Variants in RAI14 observed in about 807,000 individuals in gnomAD.
RAI14 encodes ankycorbin.
Under a neutral mutation model 115.4 loss-of-function variants are expected in RAI14, and 45 were observed. The observed-to-expected ratio is 0.39, with a 90% CI of 0.31 to 0.50. The LOEUF (loss-of-function observed/expected upper bound fraction) is 0.50. Ranked by LOEUF, RAI14 falls within the 20% of genes least tolerant of loss-of-function variation. The pLI, the probability that RAI14 is intolerant of heterozygous loss-of-function variation, is 0.85. For synonymous variants in RAI14, 371 were observed against 415.4 expected, an observed-to-expected ratio of 0.89 and a Z score of 1.30; for missense variants, 939 against 1,131.2, an observed-to-expected ratio of 0.83 and a Z score of 2.44.
intron 2 of RAI14, among the ~76,000 whole-genome samples, chr5:34,727,508 G>A (rs777040937): frequency 5.3e-5 from 8 of 152,160 alleles, no homozygotes; most frequent in African/African-American, 9.7e-5. Flanking sequence ...CCTTTGTGGC[G>A]CTCCCTCCCA....
chr5:34,762,164 T>C (rs954312780), intron 3 of RAI14, among the ~76,000 whole-genome samples: 3 of 152,214 alleles, frequency 2.0e-5, no homozygotes, highest in African/African-American at 7.2e-5. Context: ...CATTCTTTTT[T>C]TGCTGATAAT....
intron 2 of RAI14, among the ~76,000 whole-genome samples, chr5:34,718,553 T>C (rs1369292447): frequency 1.3e-5 from 2 of 152,240 alleles, no homozygotes; most frequent in African/African-American, 4.8e-5. Flanking sequence ...ATTCAGGATC[T>C]TTTCTCGTCC....
chr5:34,740,487 G>T (rs1338217084), intron 2 of RAI14, among the ~76,000 whole-genome samples: 2 of 152,168 alleles, frequency 1.3e-5, no homozygotes, highest in African/African-American at 4.8e-5. Context: ...AATGAATGAG[G>T]CTTCCCATAT....
chr5:34,755,717 G>A (rs149000450), intron 2 of RAI14, among the ~76,000 whole-genome samples: 1 of 152,318 alleles, frequency 6.6e-6, no homozygotes, highest in African/African-American at 2.4e-5. Flanking sequence ...AGAATCACTG[G>A]CTTTGTGGCT....
chr5:34,702,048 A>C, intron 2 of RAI14, among the ~76,000 whole-genome samples: 1 of 152,168 alleles, frequency 6.6e-6, no homozygotes, highest in Non-Finnish European at 1.5e-5. Flanking sequence ...TCCTGGCCTC[A>C]AGTGATTCAC....
chr5:34,706,369 T>C (rs1740697431), intron 2 of RAI14, among the ~76,000 whole-genome samples: 1 of 152,242 alleles, frequency 6.6e-6, no homozygotes. Context: ...CTCATTAAAC[T>C]GAGGACAATG....
At chr5:34,749,530 C>T (rs982099301) in intron 2 of RAI14, among the ~76,000 whole-genome samples, 11 of 152,202 alleles carry the variant, frequency 7.2e-5, no homozygotes, top group Non-Finnish European at 4.4e-5. Context: ...CCCCAGCGTT[C>T]ATCACCCGGT....
chr5:34,688,030 G>T (rs767134430), intron 2 of RAI14: 2 of 1,379,572 alleles, frequency 1.4e-6, no homozygotes, highest in Non-Finnish European at 9.6e-7. Context: ...ACTGGGAAGC[G>T]TTATGAAAAA....
intron 2 of RAI14, among the ~76,000 whole-genome samples, chr5:34,689,608 C>CA (rs1209294255): frequency 6.6e-6 from 1 of 152,134 alleles, no homozygotes; most frequent in Non-Finnish European, 1.5e-5. Context: ...TGTGGTGACT[C>CA]ACACCTGTAA....
At chr5:34,705,021 T>C (rs1740526639) in intron 2 of RAI14, among the ~76,000 whole-genome samples, 1 of 152,104 alleles carries the variant, frequency 6.6e-6, no homozygotes, top group African/African-American at 2.4e-5. Context: ...CTCGAACTCC[T>C]GGGCCCAAGC....
At chr5:34,658,526 C>T (rs867975306) in intron 1 of RAI14, among the ~76,000 whole-genome samples, 6 of 152,000 alleles carry the variant, frequency 3.9e-5, no homozygotes, top group Middle Eastern at 6.8e-3. Flanking sequence ...AGGCATGGTG[C>T]TTATGCCTGT....
intron 3 of RAI14, among the ~76,000 whole-genome samples, chr5:34,794,885 C>A (rs934380355): frequency 2.0e-5 from 3 of 152,102 alleles, no homozygotes; most frequent in Admixed American, 6.5e-5. Flanking sequence ...TAGATCCTTC[C>A]CAGCGAGAAA....
chr5:34,736,106 A>G (rs1219977641), intron 2 of RAI14, among the ~76,000 whole-genome samples: 2 of 151,876 alleles, frequency 1.3e-5, no homozygotes, highest in Non-Finnish European at 2.9e-5. Flanking sequence ...TTTGCAATGT[A>G]TAAGAAAAAT....
intron 1 of RAI14, among the ~76,000 whole-genome samples, chr5:34,676,616 T>G (rs567355430): frequency 6.6e-6 from 1 of 152,300 alleles, no homozygotes; most frequent in Non-Finnish European, 1.5e-5. Flanking sequence ...CACAGCCAAT[T>G]TTGTGTCAGT....
intron 2 of RAI14, among the ~76,000 whole-genome samples, chr5:34,720,462 G>C (rs1391626201): frequency 7.1e-6 from 1 of 140,864 alleles, no homozygotes; most frequent in African/African-American, 2.7e-5. Context: ...CCAGGCTGGA[G>C]TGCAGTGGCG....
At chr5:34,713,050 T>C (rs1741587420) in intron 2 of RAI14, among the ~76,000 whole-genome samples, 1 of 152,086 alleles carries the variant, frequency 6.6e-6, no homozygotes, top group Non-Finnish European at 1.5e-5. Context: ...ACAAACACTT[T>C]TTATGGGTTG....
chr5:34,770,870 C>T (rs1300624237), intron 3 of RAI14, among the ~76,000 whole-genome samples: 1 of 151,994 alleles, frequency 6.6e-6, no homozygotes, highest in Non-Finnish European at 1.5e-5. Context: ...TATTTAATAT[C>T]ATTAGTTTTT....
At chr5:34,757,192 C>A in intron 2 of RAI14, 1 of 482,358 alleles carries the variant, frequency 2.1e-6, no homozygotes, top group Non-Finnish European at 4.1e-6. Flanking sequence ...TTTTACGTTG[C>A]TTCATATTCC....
chr5:34,658,155 G>A (rs1579834916), intron 1 of RAI14, among the ~76,000 whole-genome samples: 1 of 152,172 alleles, frequency 6.6e-6, no homozygotes, highest in Admixed American at 6.5e-5. Context: ...GATGGTGGTG[G>A]TGGTGGTGTG....
Sources: allele counts gnomAD v4.1 joint callset (sites outside exome capture counted in the v4.1 genomes callset), GRCh38; gene constraint gnomAD v4.1.1; transcripts MANE v1.5; gene names NCBI Gene and HGNC (gene_info 2026-07-23, HGNC 2026-07-21).